OR5M11: variants seen among roughly 807,000 people sequenced by gnomAD.
The protein encoded by OR5M11 is olfactory receptor family 5 subfamily M member 11, also known as olfactory receptor 5M11.
For missense variants in OR5M11, 411 were observed against 375.8 expected, an observed-to-expected ratio of 1.09 and a Z score of -0.77; for synonymous variants, 183 against 147.7, an observed-to-expected ratio of 1.24 and a Z score of -1.73.
Position 56,543,017 on chromosome 11 carries a change from T to G in OR5M11, c.241A>C (p.Met81Leu), listed in dbSNP as rs761686421. Residue 81 changes from methionine (M) to leucine (L), a missense_variant, in exon 1 of 1, where the codon ATG becomes CTG. By Grantham distance (15) the Met-to-Leu change is conservative. Coordinates refer to ENST00000528616, the MANE Select transcript of OR5M11 (RefSeq NM_001005245.1). The part of the protein sequence containing the change: ...LCYTSNATPQ[M>L]STNIVSEKTI... ...TTCTCAGATACGATATTAGTCGACA[T>G]CTGCGGGGTTGCATTTGATGTATAG... 6.2e-7 allele frequency: 1 copy of G among 1,613,992 alleles called. No individual in the cohort carries two copies. Among genetic ancestry groups the G allele is most frequent in the African/African-American group, 1.3e-5 (1 of 75,046 alleles).
rs778779049 is a variant in OR5M11, at chr11:56,542,987, T to A, written c.271A>T (p.Ile91Phe). 3 of 1,613,786 alleles carry A rather than the reference T, an allele frequency of 1.9e-6. No homozygotes were observed. In the African/African-American group the frequency reaches 4.0e-5, roughly 22 times the overall value. The stretch of plus-strand genomic sequence containing the variant: ...TGTGTAAAGCAACCAGCAAAGGAAA[T>A]GGTCTTCTCAGATACGATATTAGTC... ...MSTNIVSEKT[I>F]SFAGCFTQCY... Residue 91 changes from isoleucine to phenylalanine, a missense_variant, in exon 1 of 1, where the codon ATT becomes TTT. Coordinates refer to ENST00000528616, the MANE Select transcript of OR5M11 (RefSeq NM_001005245.1).
rs761059053 is a variant in OR5M11, at chr11:56,542,554, T to A, written c.704A>T (p.Lys235Met). The change falls in exon 1 of 1, where the codon AAG becomes ATG. Residue 235 changes from lysine to methionine, a missense_variant. Physicochemically the swap from Lys to Met is moderately conservative, Grantham distance 95. Coordinates refer to ENST00000528616, the MANE Select transcript of OR5M11 (RefSeq NM_001005245.1). ...ATGGGAACCACAGGTGGAGAATGCC[T>A]TGTGCCTTCCCTCTGCTGATTTGAT... is the stretch of plus-strand genomic sequence containing the variant. ...LRIKSAEGRH[K>M]AFSTCGSHMM... is the part of the protein sequence containing the mutation. 4 of 1,613,922 alleles carry A rather than the reference T, an allele frequency of 2.5e-6. No individual in the cohort carries two copies. The Middle Eastern group carries it at 4.9e-4, about 200-fold the overall frequency.
chr11:56,542,384 T>C lies in OR5M11; in HGVS notation c.874A>G (p.Arg292Gly). 1.2e-6 allele frequency: 2 copies of C among 1,610,918 alleles called. No homozygotes were observed. Among genetic ancestry groups the C allele is most frequent in the Non-Finnish European group, 1.7e-6 (2 of 1,178,014 alleles). The change falls in exon 1 of 1, where the codon AGG (arginine) becomes GGG (glycine). Residue 292 changes from arginine (R) to glycine (G), a missense_variant. Physicochemically the swap from Arg to Gly is moderately radical, Grantham distance 125. Coordinates refer to ENST00000528616, the MANE Select transcript of OR5M11 (RefSeq NM_001005245.1). ...AAGGCCTGCTTCACATCTTTATTCC[T>C]CAGACTGTAGATCAATGGATTAAGT... ...PVLNPLIYSL[R>G]NKDVKQALKN...
Position 56,543,161 on chromosome 11 carries a change from C to G in OR5M11, c.97G>C (p.Val33Leu). 3 of 1,613,808 alleles carry G rather than the reference C, an allele frequency of 1.9e-6. No homozygotes were observed. Among genetic ancestry groups the G allele is most frequent in the South Asian group, 1.1e-5 (1 of 91,078 alleles). ...LQSLLFVLFLVVYLVTLLGNL... is the reference protein window; with the variant it reads ...LQSLLFVLFLLVYLVTLLGNL... ...CCTAGCAGGGTGACGAGGTAAACAACCAGAAACAGCACAAAAAGCAGAGAC... is the reference window on the plus strand; with the variant it reads ...CCTAGCAGGGTGACGAGGTAAACAAGCAGAAACAGCACAAAAAGCAGAGAC... The change falls in exon 1 of 1, where the codon GTT becomes CTT. Residue 33 changes from valine to leucine, a missense_variant. Val to Leu is a conservative substitution (Grantham distance 32). Transcript: ENST00000528616.
rs921012993 is a variant in OR5M11 at position 56,542,719 on chromosome 11, T to C, written c.539A>G (p.Asp180Gly). 3.1e-6 allele frequency: 5 copies of C among 1,613,164 alleles called. No individual in the cohort carries two copies. The Admixed American group carries it at 6.7e-5, about 22-fold the overall frequency. Residue 180 changes from aspartate to glycine, a missense_variant, in exon 1 of 1, where the codon GAC becomes GGC. By Grantham distance (94) the Asp-to-Gly change is moderately conservative. Transcript: ENST00000528616. ...SSVINHFYCADPPLIKLSCSD... is the reference protein window; with the variant it reads ...SSVINHFYCAGPPLIKLSCSD... ...ACAAGAAAGCTTAATGAGCGGCGGG[T>C]CAGCACAGTAGAAGTGGTTGATGAC...
Position 56,543,143 on chromosome 11 carries a change from G to T in OR5M11, c.115C>A (p.Leu39Met). ...VLFLVVYLVT[L>M]LGNLGMIMLM... ...ATTATCATGCCCAGGTTGCCTAGCA[G>T]GGTGACGAGGTAAACAACCAGAAAC... Residue 39 changes from leucine to methionine, a missense_variant, in exon 1 of 1, where the codon CTG becomes ATG. Physicochemically the swap from Leu to Met is conservative, Grantham distance 15 (BLOSUM62 2). Coordinates refer to ENST00000528616, the MANE Select transcript of OR5M11 (RefSeq NM_001005245.1). 3 of 1,613,912 alleles carry T rather than the reference G, an allele frequency of 1.9e-6. No individual in the cohort carries two copies. The highest frequency in any genetic ancestry group is 2.5e-6 in the Non-Finnish European group (3 of 1,179,844).
chr11:56,543,167 A>G lies in OR5M11; in HGVS notation c.91T>C (p.Phe31Leu). 2 of 1,613,874 alleles carry G rather than the reference A, an allele frequency of 1.2e-6. No homozygotes were observed. Among genetic ancestry groups the G allele is most frequent in the Non-Finnish European group, 1.7e-6 (2 of 1,179,824 alleles). The change falls in exon 1 of 1, where the codon TTT becomes CTT. Residue 31 changes from phenylalanine to leucine, a missense_variant. Transcript: ENST00000528616. Reference sequence around the variant, plus strand: ...AGGGTGACGAGGTAAACAACCAGAAACAGCACAAAAAGCAGAGACTGGAGT... The same window carrying G: ...AGGGTGACGAGGTAAACAACCAGAAGCAGCACAAAAAGCAGAGACTGGAGT... Reference protein sequence around the residue: ...PELQSLLFVLFLVVYLVTLLG... With the variant: ...PELQSLLFVLLLVVYLVTLLG...
At position 56,543,050 on chromosome 11, in the gene OR5M11, C is replaced by G. The variant is rs867414119; in HGVS notation, c.208G>C (p.Asp70His). 6.2e-7 allele frequency: 1 copy of G among 1,613,806 alleles called. No homozygotes were observed. Residue 70 changes from aspartate (D) to histidine (H), a missense_variant, in exon 1 of 1, where the codon GAT becomes CAT. Physicochemically the swap from Asp to His is moderately conservative, Grantham distance 81. Transcript: ENST00000528616. ...GTTGCATTTGATGTATAGCACAAAT[C>G]CACAAAGGCTAAGTTAGTGAGGAAG... ...YFFLTNLAFVDLCYTSNATPQ... is the reference protein window; with the variant it reads ...YFFLTNLAFVHLCYTSNATPQ...
In OR5M11 at chr11:56,542,467, T is replaced by A. The variant is rs745681080; in HGVS notation, c.791A>T (p.Asp264Val). 2 of 1,613,008 alleles carry A rather than the reference T, an allele frequency of 1.2e-6. No individual in the cohort carries two copies. Among genetic ancestry groups the A allele is most frequent in the Non-Finnish European group, 1.7e-6 (2 of 1,178,966 alleles). ...TATTTTAGATTCCTCAACAGTCTTA[T>A]CTGTTGGTGGTCTTATATACATGCA... ...LFCMYIRPPT[D>V]KTVEESKIIA... The change falls in exon 1 of 1, where the codon GAT (aspartate) becomes GTT (valine). Residue 264 changes from aspartate (D) to valine (V), a missense_variant. Physicochemically the swap from Asp to Val is radical, Grantham distance 152 (BLOSUM62 -3). Coordinates refer to ENST00000528616, the MANE Select transcript of OR5M11 (RefSeq NM_001005245.1).
chr11:56,542,366 G>T lies in OR5M11; in HGVS notation c.892C>A (p.Gln298Lys), dbSNP rs771264596. ...IYSLRNKDVK[Q>K]ALKNVLR The stretch of plus-strand genomic sequence containing the variant: ...CATCTCAGGACATTCTTCAAGGCCT[G>T]CTTCACATCTTTATTCCTCAGACTG... The change falls in exon 1 of 1, where the codon CAG becomes AAG. Residue 298 changes from glutamine (Q) to lysine (K), a missense_variant. Transcript: ENST00000528616. 6.2e-7 allele frequency: 1 copy of T among 1,601,962 alleles called. No individual in the cohort carries two copies.
chr11:56,542,573 A>C lies in OR5M11; in HGVS notation c.685T>G (p.Ser229Ala), dbSNP rs2134898302. 1 of 1,613,980 alleles carries C rather than the reference A, an allele frequency of 6.2e-7. No homozygotes were observed. Among genetic ancestry groups the C allele is most frequent in the East Asian group, 2.2e-5 (1 of 44,882 alleles). The change falls in exon 1 of 1, where the codon TCA (serine) becomes GCA (alanine). Residue 229 changes from serine (S) to alanine (A), a missense_variant. Coordinates refer to ENST00000528616, the MANE Select transcript of OR5M11 (RefSeq NM_001005245.1). ...AATGCCTTGTGCCTTCCCTCTGCTG[A>C]TTTGATCCGGAGGATGGCAGCAAGA... ...FILAAILRIK[S>A]AEGRHKAFST...
chr11:56,543,087 C>T lies in OR5M11; in HGVS notation c.171G>A (p.Thr57=), dbSNP rs776920405. 13 of 1,613,848 alleles carry T rather than the reference C, an allele frequency of 8.1e-6. No individual in the cohort carries two copies. The highest frequency in any genetic ancestry group is 3.3e-5 in the Admixed American group (2 of 59,980). ...MLMRLDSRLH[T]PMYFFLTNLA... ...AGTTAGTGAGGAAGAAGTACATGGG[C>T]GTGTGAAGGCGAGAGTCCAGTCTCA... The change falls in exon 1 of 1, where the codon ACG becomes ACA. Residue 57 remains threonine (T), a synonymous_variant. Transcript: ENST00000528616.
In OR5M11 at chr11:56,542,476, G is replaced by T. The variant is rs776170694; in HGVS notation, c.782C>A (p.Pro261Gln). Residue 261 changes from proline (P) to glutamine (Q), a missense_variant, in exon 1 of 1, where the codon CCA (proline) becomes CAA (glutamine). Pro to Gln is a moderately conservative substitution (Grantham distance 76, BLOSUM62 -1). Transcript: ENST00000528616. Reference sequence around the variant, plus strand: ...TTCCTCAACAGTCTTATCTGTTGGTGGTCTTATATACATGCAAAAGAGAGT... The same window carrying T: ...TTCCTCAACAGTCTTATCTGTTGGTTGTCTTATATACATGCAAAAGAGAGT... ...YGTLFCMYIRPPTDKTVEESK... is the reference protein window; with the variant it reads ...YGTLFCMYIRQPTDKTVEESK... 2 of 1,613,700 alleles carry T rather than the reference G, an allele frequency of 1.2e-6. No homozygotes were observed. The highest frequency in any genetic ancestry group is 3.3e-5 in the Admixed American group (2 of 59,984).
At position 56,542,997 on chromosome 11, in the gene OR5M11, A is replaced by G; in HGVS notation, c.261T>C (p.Ser87=). Residue 87 remains serine, a synonymous_variant, in exon 1 of 1, where the codon TCT becomes TCC. Transcript: ENST00000528616. ...ATPQMSTNIV[S]EKTISFAGCF... ...AACCAGCAAAGGAAATGGTCTTCTC[A>G]GATACGATATTAGTCGACATCTGCG... 1 of 1,614,066 alleles carries G rather than the reference A, an allele frequency of 6.2e-7. No individual in the cohort carries two copies. Among genetic ancestry groups the G allele is most frequent in the Admixed American group, 1.7e-5 (1 of 60,012 alleles).
rs750332080 is a variant in OR5M11 at position 56,542,964 on chromosome 11, T to C, written c.294A>G (p.Thr98=). The change falls in exon 1 of 1, where the codon ACA becomes ACG. Residue 98 remains threonine, a synonymous_variant. Transcript: ENST00000528616. ...GAAGGGCAATGAAAATGTAGCACTG[T>C]GTAAAGCAACCAGCAAAGGAAATGG... ...EKTISFAGCF[T]QCYIFIALLL... 3 of 1,613,956 alleles carry C rather than the reference T, an allele frequency of 1.9e-6. No individual in the cohort carries two copies. In the African/African-American group the frequency reaches 4.0e-5, roughly 22 times the overall value.
Position 56,542,378 on chromosome 11 carries a change from T to TA in OR5M11, c.879dup (p.Lys294Ter). On this transcript the variant is annotated frameshift_variant, in exon 1 of 1. Transcript: ENST00000528616. LOFTEE classifies it high-confidence loss of function. ...TTCTTCAAGGCCTGCTTCACATCTT[T>TA]ATTCCTCAGACTGTAGATCAATGGA... 1 of 1,608,894 alleles carries TA rather than the reference T, an allele frequency of 6.2e-7. No individual in the cohort carries two copies.
rs763570188 is a variant in OR5M11, at chr11:56,542,826, G to A, written c.432C>T (p.Ala144=). 1.2e-6 allele frequency: 2 copies of A among 1,613,892 alleles called. No homozygotes were observed. Among genetic ancestry groups the A allele is most frequent in the East Asian group, 2.2e-5 (1 of 44,876 alleles). Residue 144 remains alanine, a synonymous_variant, in exon 1 of 1, where the codon GCC becomes GCT. Coordinates refer to ENST00000528616, the MANE Select transcript of OR5M11 (RefSeq NM_001005245.1). Reference sequence around the variant, plus strand: ...AGAAGCCATAGACATAGGGAAATGTGGCCAAGCAGATGCAAACTCTCCTGG... The same window carrying A: ...AGAAGCCATAGACATAGGGAAATGTAGCCAAGCAGATGCAAACTCTCCTGG... ...KTSRRVCICL[A]TFPYVYGFSD...
chr11:56,543,254 A>G lies in OR5M11; in HGVS notation c.4T>C (p.Ser2Pro). The stretch of plus-strand genomic sequence containing the variant: ...GTGATTGCACTGCCATTTGTGTTGG[A>G]CATTTCCTGACAGTTTGCTCTTCAA... M[S>P]NTNGSAITEF... is the part of the protein sequence containing the mutation. Residue 2 changes from serine to proline, a missense_variant, in exon 1 of 1, where the codon TCC becomes CCC. Ser to Pro is a moderately conservative substitution (Grantham distance 74). Transcript: ENST00000528616. The G allele has an allele frequency of 2.5e-6, 4 of 1,608,396 alleles. No individual in the cohort carries two copies. In the South Asian group the frequency reaches 4.4e-5, roughly 18 times the overall value.
In OR5M11 at chr11:56,543,163, A is replaced by G. The variant is rs763314171; in HGVS notation, c.95T>C (p.Leu32Pro). 1 of 1,613,952 alleles carries G rather than the reference A, an allele frequency of 6.2e-7. No homozygotes were observed. The highest frequency in any genetic ancestry group is 8.5e-7 in the Non-Finnish European group (1 of 1,179,872). ...TAGCAGGGTGACGAGGTAAACAACCAGAAACAGCACAAAAAGCAGAGACTG... is the reference window on the plus strand; with the variant it reads ...TAGCAGGGTGACGAGGTAAACAACCGGAAACAGCACAAAAAGCAGAGACTG... ...ELQSLLFVLF[L>P]VVYLVTLLGN... Residue 32 changes from leucine to proline, a missense_variant, in exon 1 of 1, where the codon CTG becomes CCG. Leu to Pro is a moderately conservative substitution (Grantham distance 98, BLOSUM62 -3). Transcript: ENST00000528616.
Sources: allele counts gnomAD v4.1 joint callset, GRCh38; gene constraint gnomAD v4.1.1; transcripts MANE v1.5; gene names NCBI Gene and HGNC (gene_info 2026-07-23, HGNC 2026-07-21).